JHY: variants seen among roughly 807,000 people sequenced by gnomAD.
JHY encodes junctional cadherin complex regulator, also known as jhy protein homolog.
JHY carries 69 observed loss-of-function variants against 78.0 expected under a neutral mutation model. That is an observed-to-expected ratio of 0.88 (90% CI 0.73 to 1.08). The LOEUF (loss-of-function observed/expected upper bound fraction) is 1.08, where lower values mean the gene tolerates loss of function less well. Among genes scored for constraint, JHY ranks in the 50% least tolerant of loss-of-function variants. The pLI is 0.00. For synonymous variants in JHY, 368 were observed against 342.6 expected (o/e 1.07, Z -0.82); for missense variants, 944 against 927.8 (o/e 1.02, Z -0.23).
intron 8 of JHY, chr11:122,958,730 C>G: frequency 1.0e-6 from 1 of 984,086 alleles, no homozygotes; most frequent in Non-Finnish European, 1.2e-6. Context: ...CCTTTTTCAG[C>G]GTCTAGATTG....
At chr11:122,896,349 A>AC (rs938178677) in intron 2 of JHY, among the ~76,000 whole-genome samples, 1 of 148,804 alleles carries the variant, frequency 6.7e-6, no homozygotes, top group African/African-American at 2.5e-5. Flanking sequence ...TCTCAAAAAA[A>AC]AAAAAAAAAA....
At chr11:122,906,214 G>C (rs1862988862) in intron 3 of JHY, among the ~76,000 whole-genome samples, 1 of 152,004 alleles carries the variant, frequency 6.6e-6, no homozygotes, top group Non-Finnish European at 1.5e-5. Context: ...TTTGAGTCAG[G>C]GTCTGGCCTT....
Position 122,936,520 on chromosome 11 carries a change from G to A in JHY, c.1634+1445G>A, listed in dbSNP as rs552410323. 1.5e-3 allele frequency among the ~76,000 whole-genome samples: 231 copies of A among 151,766 alleles called. 1 individual carries two copies. The highest frequency in any genetic ancestry group is 5.3e-3 in the African/African-American group (221 of 41,402). Reference sequence around the variant, plus strand: ...TTTGGTAGATAGATAGATGATAGATGGGAAATTTCCTCCTATTCCTCTTTG... The same window carrying A: ...TTTGGTAGATAGATAGATGATAGATAGGAAATTTCCTCCTATTCCTCTTTG... On this transcript the variant is annotated intron_variant, in intron 5 of 8. Coordinates refer to ENST00000227349, the MANE Select transcript of JHY (RefSeq NM_024806.4).
intron 2 of JHY, among the ~76,000 whole-genome samples, chr11:122,895,040 G>T (rs577833594): frequency 5.3e-5 from 8 of 151,886 alleles, no homozygotes; most frequent in African/African-American, 1.5e-4. Flanking sequence ...TTAATCTTTC[G>T]GATTTATTTC....
At chr11:122,905,093 A>G in intron 3 of JHY, 2 of 1,051,708 alleles carry the variant, frequency 1.9e-6, no homozygotes, top group Non-Finnish European at 3.0e-6. Context: ...GTCCTGTGTA[A>G]ATGATATGAT....
Position 122,961,854 on chromosome 11 carries a change from T to G in JHY, c.*2409T>G, listed in dbSNP as rs188482220. Among the ~76,000 whole-genome samples, 2 of 152,086 alleles carry G rather than the reference T, an allele frequency of 1.3e-5. No homozygotes were observed. The highest frequency in any genetic ancestry group is 4.1e-4 in the South Asian group (2 of 4,830). On this transcript the variant is annotated 3_prime_UTR_variant, in exon 9 of 9. Transcript: ENST00000227349. Reference sequence around the variant, plus strand: ...GCTGTGCCTGCTCAGATAGAACAAATCCTAATGTTGTTCTAACAGAGCATC... The same window carrying G: ...GCTGTGCCTGCTCAGATAGAACAAAGCCTAATGTTGTTCTAACAGAGCATC...
chr11:122,947,009 T>G (rs2135372832), intron 6 of JHY: 1 of 497,886 alleles, frequency 2.0e-6, no homozygotes, highest in East Asian at 3.8e-5. Context: ...GGATGCCCAT[T>G]TCTCCCTCCT....
intron 2 of JHY, among the ~76,000 whole-genome samples, chr11:122,887,211 T>A (rs1198601481): frequency 6.6e-6 from 1 of 152,224 alleles, no homozygotes; most frequent in Non-Finnish European, 1.5e-5. Context: ...AGTTTCTTCA[T>A]CAGTAAAAAT....
chr11:122,910,259 G>C (rs1863083894), intron 3 of JHY, among the ~76,000 whole-genome samples: 1 of 152,136 alleles, frequency 6.6e-6, no homozygotes. Context: ...TGGATCACTT[G>C]AGGTCACAAG....
rs976835467 is a variant in JHY, at chr11:122,883,923, G to C, written c.-90+951G>C. ...TTCTAAGTTGCACTATAACGCTTAAGCTTGCTCTTCAGGATCTCAAATTCA... is the reference window on the plus strand; with the variant it reads ...TTCTAAGTTGCACTATAACGCTTAACCTTGCTCTTCAGGATCTCAAATTCA... On this transcript the variant is annotated intron_variant, in intron 1 of 8. Coordinates refer to ENST00000227349, the MANE Select transcript of JHY (RefSeq NM_024806.4). This position sits in a 1 kb window ranked among gnomAD's most constrained non-coding sequence, Gnocchi z 4.4. Among the ~76,000 whole-genome samples, 1 of 152,206 alleles carries C rather than the reference G, an allele frequency of 6.6e-6. No individual in the cohort carries two copies. Among genetic ancestry groups the C allele is most frequent in the African/African-American group, 2.4e-5 (1 of 41,448 alleles).
At chr11:122,908,013 G>T (rs1184955204) in intron 3 of JHY, among the ~76,000 whole-genome samples, 3 of 151,880 alleles carry the variant, frequency 2.0e-5, no homozygotes, top group Non-Finnish European at 4.4e-5. Context: ...TCTCAGCCTT[G>T]GTTTCACATT....
chr11:122,885,967 A>C lies in JHY; in HGVS notation c.118A>C (p.Lys40Gln). Residue 40 changes from lysine (K) to glutamine (Q), a missense_variant, in exon 2 of 9, where the codon AAA becomes CAA. Transcript: ENST00000227349. Reference sequence around the variant, plus strand: ...GAAAGAAGACTTACATCGGATTTCAAAAGACTCCTTGGAATCTGATTCAGA... The same window carrying C: ...GAAAGAAGACTTACATCGGATTTCACAAGACTCCTTGGAATCTGATTCAGA... ...LKKEDLHRIS[K>Q]DSLESDSESL... The C allele has an allele frequency of 6.2e-7, 1 of 1,614,230 alleles. No individual in the cohort carries two copies. The highest frequency in any genetic ancestry group is 8.5e-7 in the Non-Finnish European group (1 of 1,180,028).
intron 2 of JHY, among the ~76,000 whole-genome samples, chr11:122,889,058 A>T (rs551680708): frequency 2.0e-5 from 3 of 152,296 alleles, no homozygotes; most frequent in Non-Finnish European, 4.4e-5. Flanking sequence ...GCGACTGGAC[A>T]TCTTCAACTT....
intron 3 of JHY, among the ~76,000 whole-genome samples, chr11:122,920,518 C>T (rs1863338589): frequency 6.6e-6 from 1 of 152,158 alleles, no homozygotes; most frequent in South Asian, 2.1e-4. Flanking sequence ...TGTCTTTACG[C>T]GGATTCACTG....
At chr11:122,943,610 G>A (rs1466921376) in intron 5 of JHY, among the ~76,000 whole-genome samples, 1 of 152,028 alleles carries the variant, frequency 6.6e-6, no homozygotes, top group East Asian at 1.9e-4. Flanking sequence ...TTTGCTTTAT[G>A]TATTTTGAAC....
At position 122,961,758 on chromosome 11, in the gene JHY, C is replaced by T. The variant is rs549528896; in HGVS notation, c.*2313C>T. 6.6e-6 allele frequency among the ~76,000 whole-genome samples: 1 copy of T among 152,044 alleles called. No homozygotes were observed. The highest frequency in any genetic ancestry group is 2.4e-5 in the African/African-American group (1 of 41,440). On this transcript the variant is annotated 3_prime_UTR_variant, in exon 9 of 9. Transcript: ENST00000227349. ...ATTTGTAATTAATTCTACCATCTTG[C>T]AATAAAGTGACAATTGAATGAAACA...
chr11:122,922,858 C>A (rs1202717802), intron 3 of JHY, among the ~76,000 whole-genome samples: 1 of 138,224 alleles, frequency 7.2e-6, no homozygotes. Flanking sequence ...GAGATCTGAA[C>A]ACAAACAGGA....
At position 122,904,448 on chromosome 11, in the gene JHY, C is replaced by T. The variant is rs777023341; in HGVS notation, c.864+4C>T. On this transcript the variant is annotated splice_donor_region_variant and intron_variant, in intron 3 of 8. Coordinates refer to ENST00000227349, the MANE Select transcript of JHY (RefSeq NM_024806.4). Reference sequence around the variant, plus strand: ...AGGGGAATCTCATCCAGAACAGGTACGTAGTGGCTACTTTAAAATGTCTTC... The same window carrying T: ...AGGGGAATCTCATCCAGAACAGGTATGTAGTGGCTACTTTAAAATGTCTTC... The T allele has an allele frequency of 6.3e-6, 10 of 1,597,134 alleles. No individual in the cohort carries two copies. Among genetic ancestry groups the T allele is most frequent in the African/African-American group, 2.7e-5 (2 of 73,952 alleles).
At chr11:122,942,957 C>A (rs1863903439) in intron 5 of JHY, among the ~76,000 whole-genome samples, 1 of 152,330 alleles carries the variant, frequency 6.6e-6, no homozygotes, top group Middle Eastern at 3.4e-3. Flanking sequence ...TCACTGCAGT[C>A]TCCAACTCCT....
Sources: allele counts gnomAD v4.1 joint callset (sites outside exome capture counted in the v4.1 genomes callset), GRCh38; gene constraint gnomAD v4.1.1; non-coding constraint Gnocchi (gnomAD v3.1); transcripts MANE v1.5; gene names NCBI Gene and HGNC (gene_info 2026-07-23, HGNC 2026-07-21).